The following TPP2 variants were observed in gnomAD, a reference collection of about 807,000 sequenced individuals.
TPP2 encodes tripeptidyl peptidase 2, also known as tripeptidyl-peptidase 2.
Under a neutral mutation model 155.9 loss-of-function variants are expected in TPP2, and 34 were observed. That is an observed-to-expected ratio of 0.22 (90% CI 0.17 to 0.29). The LOEUF (loss-of-function observed/expected upper bound fraction) is 0.29. Ranked by LOEUF, TPP2 falls within the 10% of genes least tolerant of loss-of-function variation. The pLI, the probability that TPP2 is intolerant of heterozygous loss-of-function variation, is 1.00. For synonymous variants in TPP2, 510 were observed against 529.4 expected, an observed-to-expected ratio of 0.96 and a Z score of 0.50; for missense variants, 1,028 against 1,522.3, an observed-to-expected ratio of 0.68 and a Z score of 5.40.
chr13:102,603,521 A>G (rs995857447), intron 1 of TPP2, among the ~76,000 whole-genome samples: 3 of 152,182 alleles, frequency 2.0e-5, no homozygotes, highest in African/African-American at 7.2e-5. Context: ...TCTAGGCAGA[A>G]GGAACCTGTT....
In TPP2 at chr13:102,635,622, T is replaced by C. The variant is rs1882318922; in HGVS notation, c.1429T>C (p.Ser477Pro). Reference sequence around the variant, plus strand: ...TAATAACATTGACTACACAGTTCATTCAGTCAGAAGAGCTCTAGAAAACAC... The same window carrying C: ...TAATAACATTGACTACACAGTTCATCCAGTCAGAAGAGCTCTAGAAAACAC... ...KANNIDYTVHSVRRALENTAV... is the reference protein window; with the variant it reads ...KANNIDYTVHPVRRALENTAV... Residue 477 changes from serine to proline, a missense_variant, in exon 12 of 30, where the codon TCA (serine) becomes CCA (proline). Physicochemically the swap from Ser to Pro is moderately conservative, Grantham distance 74. Transcript: ENST00000376052. 6.2e-7 allele frequency: 1 copy of C among 1,613,126 alleles called. No homozygotes were observed. The highest frequency in any genetic ancestry group is 1.3e-5 in the African/African-American group (1 of 75,014).
rs371856786 is a variant in TPP2, at chr13:102,633,022, C to G, written c.1245-928C>G. On this transcript the variant is annotated intron_variant, in intron 10 of 29. Transcript: ENST00000376052. ...CTATAAAAAATGTAAAGCCAAATTG[C>G]TCTAGTGTTTCTACCCAAGAGTAAA... Among the ~76,000 whole-genome samples, 26 of 152,208 alleles carry G rather than the reference C, an allele frequency of 1.7e-4. No homozygotes were observed. The East Asian group carries it at 2.5e-3, about 15-fold the overall frequency.
intron 5 of TPP2, 69 bp downstream of exon 5, chr13:102,618,915 TGCTCAGA>T (rs1880942504): frequency 1.3e-6 from 2 of 1,530,954 alleles, no homozygotes; most frequent in Middle Eastern, 1.7e-4. Context: ...AAACATTAAA[TGCTCAGA>T]GCTGCACAGA....
intron 6 of TPP2, among the ~76,000 whole-genome samples, chr13:102,625,688 G>A (rs893084085): frequency 6.6e-6 from 1 of 152,170 alleles, no homozygotes; most frequent in Non-Finnish European, 1.5e-5. Context: ...GCCAGAATCC[G>A]CAACATTGGG....
At chr13:102,636,969 A>G in intron 13 of TPP2, 113 bp from the exon 14 acceptor site, 1 of 1,077,396 alleles carries the variant, frequency 9.3e-7, no homozygotes, top group Non-Finnish European at 1.3e-6. Context: ...TTTTGGATGC[A>G]TTTTACAGCC....
chr13:102,659,016 T>C, intron 25 of TPP2, among the ~76,000 whole-genome samples: 1 of 152,258 alleles, frequency 6.6e-6, no homozygotes, highest in East Asian at 1.9e-4. Context: ...AAACATGCCA[T>C]TCTTCCACTC....
At position 102,627,638 on chromosome 13, in the gene TPP2, T is replaced by C. The variant is rs1881726353; in HGVS notation, c.940-210T>C. Reference sequence around the variant, plus strand: ...AGAAATGCTAGTTTTTTGTTTTTTTTTTTAATGACTACTTTTTTATGTGTC... The same window carrying C: ...AGAAATGCTAGTTTTTTGTTTTTTTCTTTAATGACTACTTTTTTATGTGTC... On this transcript the variant is annotated intron_variant, in intron 7 of 29. Transcript: ENST00000376052. 2.6e-5 allele frequency among the ~76,000 whole-genome samples: 4 copies of C among 152,148 alleles called. No individual in the cohort carries two copies. In the South Asian group the frequency reaches 8.3e-4, roughly 32 times the overall value.
intron 27 of TPP2, among the ~76,000 whole-genome samples, chr13:102,666,163 G>GT (rs1884581672): frequency 6.6e-6 from 1 of 152,150 alleles, no homozygotes; most frequent in African/African-American, 2.4e-5. Flanking sequence ...AGGGGCCTTT[G>GT]TATCCCCCTT....
At chr13:102,619,287 A>C (rs550064264) in intron 5 of TPP2, among the ~76,000 whole-genome samples, 1 of 152,298 alleles carries the variant, frequency 6.6e-6, no homozygotes, top group East Asian at 1.9e-4. Flanking sequence ...CCCATCATGT[A>C]CGTTTTTTAG....
Position 102,622,883 on chromosome 13 carries a change from C to G in TPP2, c.627C>G (p.Cys209Trp). Residue 209 changes from cysteine (C) to tryptophan (W), a missense_variant, in exon 6 of 30, where the codon TGC (cysteine) becomes TGG (tryptophan). Transcript: ENST00000376052. ...ATTTCTTTTTAATTAATAGAGCCTG[C>G]ATTGATTCTAATGAAGATGGGGACT... ...VWHDGEVWRA[C>W]IDSNEDGDLS... 1 of 1,609,030 alleles carries G rather than the reference C, an allele frequency of 6.2e-7. No individual in the cohort carries two copies. Among genetic ancestry groups the G allele is most frequent in the Non-Finnish European group, 8.5e-7 (1 of 1,178,708 alleles).
In TPP2 at chr13:102,638,436, T is replaced by C; in HGVS notation, c.1913+121T>C. 2.8e-6 allele frequency: 3 copies of C among 1,076,968 alleles called. No homozygotes were observed. The South Asian group carries it at 4.0e-5, about 14-fold the overall frequency. The allele number at this position is 1,076,968 out of a possible 1,614,324, so 66.7% of individuals were successfully genotyped here. Reference sequence around the variant, plus strand: ...CCAGGTAATGGGGATTTTGTCTTAGTTCTGCTCCCAGCTAGCATTTTTAGG... The same window carrying C: ...CCAGGTAATGGGGATTTTGTCTTAGCTCTGCTCCCAGCTAGCATTTTTAGG... On this transcript the variant is annotated intron_variant, in intron 15 of 29. Transcript: ENST00000376052.
chr13:102,661,397 C>T (rs1276588791), intron 25 of TPP2, among the ~76,000 whole-genome samples: 2 of 151,748 alleles, frequency 1.3e-5, no homozygotes, highest in Non-Finnish European at 2.9e-5. Flanking sequence ...ACTACAAGTG[C>T]ACGCCACCAC....
chr13:102,606,137 A>G (rs1490791029), intron 2 of TPP2, among the ~76,000 whole-genome samples: 1 of 152,236 alleles, frequency 6.6e-6, no homozygotes, highest in East Asian at 1.9e-4. Context: ...TGAAGGATGG[A>G]TGGCAAGAAT....
intron 1 of TPP2, among the ~76,000 whole-genome samples, chr13:102,598,511 C>T (rs571319942): frequency 2.0e-5 from 3 of 152,282 alleles, no homozygotes; most frequent in East Asian, 3.9e-4. Flanking sequence ...TACTGAATTC[C>T]CTCCCGGTAA....
At chr13:102,644,821 A>G in intron 18 of TPP2, 88 bp from the exon 19 acceptor site, 1 of 1,496,422 alleles carries the variant, frequency 6.7e-7, no homozygotes, top group African/African-American at 1.4e-5. Flanking sequence ...GTACTTATAA[A>G]CTTTATATTG....
chr13:102,664,969 T>G (rs1201539643), intron 27 of TPP2, 44 bp downstream of exon 27: 1 of 1,601,630 alleles, frequency 6.2e-7, no homozygotes, highest in Non-Finnish European at 8.5e-7. Context: ...CATTTCCTAG[T>G]TAACTTGTTT....
intron 4 of TPP2, 47 bp downstream of exon 4, chr13:102,616,547 C>A: frequency 6.9e-7 from 1 of 1,453,864 alleles, no homozygotes; most frequent in Admixed American, 2.1e-5. Context: ...GAACCATATT[C>A]CCATAGAGTT....
At chr13:102,663,899 T>C (rs1884416867) in intron 26 of TPP2, among the ~76,000 whole-genome samples, 155 bp downstream of exon 26, 1 of 152,236 alleles carries the variant, frequency 6.6e-6, no homozygotes, top group Non-Finnish European at 1.5e-5. Flanking sequence ...ATGAAGGTTA[T>C]TATAAGACCT....
intron 1 of TPP2, among the ~76,000 whole-genome samples, chr13:102,602,676 G>T (rs1295628262): frequency 1.3e-5 from 2 of 152,174 alleles, no homozygotes; most frequent in Non-Finnish European, 2.9e-5. Context: ...CTTCTTCAGG[G>T]TATACCTTAA....
Sources: gnomAD v4.1 joint callset for allele counts (sites outside exome capture counted in the v4.1 genomes callset) on GRCh38, gnomAD v4.1.1 for gene constraint, MANE v1.5 for transcripts, NCBI Gene and HGNC (gene_info 2026-07-23, HGNC 2026-07-21) for gene names.